Variants in STK3 observed in about 807,000 individuals in gnomAD.
STK3 encodes serine/threonine-protein kinase 3.
Under a neutral mutation model 58.0 loss-of-function variants are expected in STK3, and 41 were observed. The ratio of observed to expected loss-of-function variants is 0.71; its 90% CI spans 0.55 to 0.92. STK3 has a LOEUF of 0.92. Ranked by LOEUF, STK3 falls within the 40% of genes least tolerant of loss-of-function variation. The pLI is 0.00. For missense variants in STK3, 479 were observed against 602.7 expected, an observed-to-expected ratio of 0.79 and a Z score of 2.15; for synonymous variants, 170 against 191.0, an observed-to-expected ratio of 0.89 and a Z score of 0.91.
chr8:98,582,297 C>A (rs1474076040), intron 7 of STK3, among the ~76,000 whole-genome samples: 5 of 151,856 alleles, frequency 3.3e-5, no homozygotes, highest in African/African-American at 1.2e-4. Context: ...CTTTATAAAA[C>A]CCTTCATATA....
chr8:98,378,503 C>A (rs1414644964), intron 2 of STK3, among the ~76,000 whole-genome samples: 1 of 152,178 alleles, frequency 6.6e-6, no homozygotes, highest in Non-Finnish European at 1.5e-5. Flanking sequence ...TTTACATTTC[C>A]TAAGCTTTGA....
At chr8:98,836,074 G>A (rs895356863) in intron 3 of STK3, among the ~76,000 whole-genome samples, 6 of 152,098 alleles carry the variant, frequency 3.9e-5, no homozygotes, top group Non-Finnish European at 5.9e-5. Context: ...AGTGGTGGGC[G>A]CCTGTAATTC....
intron 2 of STK3, among the ~76,000 whole-genome samples, chr8:98,376,232 G>A (rs1817673103): frequency 6.6e-6 from 1 of 152,202 alleles, no homozygotes; most frequent in Admixed American, 6.5e-5. Flanking sequence ...TTGGTGAAAT[G>A]TCTGTTAATG....
chr8:98,597,161 G>T, intron 6 of STK3: 1 of 514,768 alleles, frequency 1.9e-6, no homozygotes, highest in Non-Finnish European at 2.5e-6. Flanking sequence ...AAGGCACTCA[G>T]GTATTTTAAT....
At chr8:98,687,015 A>G (rs1824050039) in intron 6 of STK3, among the ~76,000 whole-genome samples, 1 of 152,226 alleles carries the variant, frequency 6.6e-6, no homozygotes, top group Non-Finnish European at 1.5e-5. Flanking sequence ...GAAGATAGAT[A>G]TAATTCAGAA....
At chr8:98,393,152 C>T (rs1235484769), upstream of STK3, among the ~76,000 whole-genome samples, 2 of 152,196 alleles carry the variant, frequency 1.3e-5, no homozygotes, top group African/African-American at 4.8e-5. Context: ...CCCTTGCCCC[C>T]TTCCCAGGTC....
intron 4 of STK3, among the ~76,000 whole-genome samples, chr8:98,749,032 G>A (rs1030765662): frequency 5.3e-5 from 8 of 151,562 alleles, no homozygotes; most frequent in Non-Finnish European, 1.0e-4. Flanking sequence ...AAGTACCATG[G>A]TAGTTTCTCT....
At chr8:98,769,219 GTTCT>G (rs1334286637) in intron 2 of STK3, among the ~76,000 whole-genome samples, 1 of 152,218 alleles carries the variant, frequency 6.6e-6, no homozygotes, top group East Asian at 1.9e-4. Flanking sequence ...TCTTGAATTA[GTTCT>G]TTCTTAGATG....
At chr8:98,566,115 C>A (rs1011463149) in intron 8 of STK3, among the ~76,000 whole-genome samples, 1 of 152,150 alleles carries the variant, frequency 6.6e-6, no homozygotes, top group African/African-American at 2.4e-5. Context: ...TCTCATCAGA[C>A]AAGCTTTTTC....
At chr8:98,622,450 T>C (rs1818405580) in intron 6 of STK3, among the ~76,000 whole-genome samples, 1 of 152,162 alleles carries the variant, frequency 6.6e-6, no homozygotes, top group Non-Finnish European at 1.5e-5. Flanking sequence ...ATATACAGCT[T>C]CCCAAAGCAA....
At chr8:98,645,590 A>G (rs1359518532) in intron 6 of STK3, among the ~76,000 whole-genome samples, 1 of 152,220 alleles carries the variant, frequency 6.6e-6, no homozygotes, top group Non-Finnish European at 1.5e-5. Context: ...AAGTACTCAC[A>G]TAATGACATA....
chr8:98,700,147 G>A (rs1007971901), intron 6 of STK3, among the ~76,000 whole-genome samples: 2 of 152,166 alleles, frequency 1.3e-5, no homozygotes, highest in Non-Finnish European at 2.9e-5. Context: ...GCGAGACTCC[G>A]TGGGCGTAGG....
At chr8:98,823,302 A>G (rs1233909201) in intron 1 of STK3, among the ~76,000 whole-genome samples, 1 of 149,238 alleles carries the variant, frequency 6.7e-6, no homozygotes, top group Non-Finnish European at 1.5e-5. Context: ...TGTAAAAGTC[A>G]GCACTAAGGA....
intron 10 of STK3, among the ~76,000 whole-genome samples, chr8:98,490,594 A>G (rs1822609977): frequency 6.6e-6 from 1 of 152,180 alleles, no homozygotes; most frequent in African/African-American, 2.4e-5. Flanking sequence ...GAAGGCAAAA[A>G]CTGTGTTTTG....
chr8:98,757,616 A>AG lies in STK3; in HGVS notation c.237-8227dup, dbSNP rs1830373952. On this transcript the variant is annotated intron_variant, in intron 3 of 10. Coordinates refer to ENST00000419617, the MANE Select transcript of STK3 (RefSeq NM_006281.4). ...TCTCAAAGAAAAAAAAAAAAAAAAA[A>AG]GCCTACCAATAGGCTCAGACAGTTC... 2.0e-5 allele frequency among the ~76,000 whole-genome samples: 3 copies of AG among 150,732 alleles called. No individual in the cohort carries two copies. The East Asian group carries it at 6.0e-4, about 30-fold the overall frequency.
At chr8:98,419,404 A>C (rs1818147535) in intron 3 of STK3, among the ~76,000 whole-genome samples, 1 of 152,094 alleles carries the variant, frequency 6.6e-6, no homozygotes. Context: ...CCCTCACTAC[A>C]TTCTTCTGCC....
At chr8:98,633,496 G>A (rs1236909675) in intron 6 of STK3, 2 of 640,174 alleles carry the variant, frequency 3.1e-6, no homozygotes, top group Admixed American at 4.9e-5. Context: ...CGATGGCGGT[G>A]GCGTTGGCTT....
At chr8:98,753,836 C>T (rs762721926) in intron 3 of STK3, among the ~76,000 whole-genome samples, 1 of 152,130 alleles carries the variant, frequency 6.6e-6, no homozygotes, top group Non-Finnish European at 1.5e-5. Context: ...ACTGCTACTC[C>T]GTTACCTCTT....
In STK3 at chr8:98,743,967, A is replaced by G. The variant is rs1045469742; in HGVS notation, c.351+5309T>C. 3.1e-3 allele frequency among the ~76,000 whole-genome samples: 479 copies of G among 152,076 alleles called. 5 individuals carry two copies. The highest frequency in any genetic ancestry group is 0.011 in the African/African-American group (451 of 41,338). Reference sequence around the variant, plus strand: ...AAAGAAGACATTTATGCAGCCAAAAAACACATGAGAAAATGCTCACCATCA... The same window carrying G: ...AAAGAAGACATTTATGCAGCCAAAAGACACATGAGAAAATGCTCACCATCA... On this transcript the variant is annotated intron_variant, in intron 4 of 10. Coordinates refer to ENST00000419617, the MANE Select transcript of STK3 (RefSeq NM_006281.4).
Sources: gnomAD v4.1 joint callset for allele counts (sites outside exome capture counted in the v4.1 genomes callset) on GRCh38, gnomAD v4.1.1 for gene constraint, MANE v1.5 for transcripts, NCBI Gene and HGNC (gene_info 2026-07-23, HGNC 2026-07-21) for gene names.